CD40LG: variants seen among roughly 807,000 people sequenced by gnomAD.
CD40LG encodes the protein CD40 ligand, also known as CD40 antigen ligand.
In CD40LG, 1 loss-of-function variant was observed where a neutral mutation model predicts 17.2. That is an observed-to-expected ratio of 0.06 (90% CI 0.02 to 0.28). CD40LG has a LOEUF of 0.28. Ranked by LOEUF, CD40LG falls within the 10% of genes least tolerant of loss-of-function variation. The pLI, the probability that CD40LG is intolerant of heterozygous loss-of-function variation, is 1.00. For synonymous variants in CD40LG, 66 were observed against 74.4 expected (o/e 0.89, Z 0.58); for missense variants, 133 against 193.2 (o/e 0.69, Z 1.85).
At chrX:136,653,022 C>T (rs762192308) in intron 2 of CD40LG, among the ~76,000 whole-genome samples, 1 of 111,620 alleles carries the variant, frequency 9.0e-6, no homozygotes, top group East Asian at 2.8e-4. Context: ...TCATGAAACA[C>T]GAGCTTTGCT....
In CD40LG at chrX:136,659,975, C is replaced by T. The variant is rs1283893882; in HGVS notation, c.*560C>T. On this transcript the variant is annotated 3_prime_UTR_variant, in exon 5 of 5. Coordinates refer to ENST00000370629, the MANE Select transcript of CD40LG (RefSeq NM_000074.3). The stretch of plus-strand genomic sequence containing the variant: ...ACAGTTATTCATTCTCTTTCAATCT[C>T]TCTCTCTCCATCTCTCTCTTTCAGT... 1 of 91,987 alleles carries T rather than the reference C, an allele frequency of 1.1e-5. No homozygotes were observed. The highest frequency in any genetic ancestry group is 2.1e-5 in the Non-Finnish European group (1 of 47,743). The allele number at this position is 91,987 out of a possible 1,213,427, so 7.6% of individuals were successfully genotyped here. A position where few individuals can be genotyped will look rare whatever the true frequency, so the allele number is the denominator to read the frequency against.
intron 3 of CD40LG, 146 bp downstream of exon 3, chrX:136,654,576 C>T: frequency 2.1e-6 from 1 of 484,140 alleles, no homozygotes; most frequent in Admixed American, 3.4e-5. Context: ...AAATTGACAC[C>T]TTCTCTGGTC....
chrX:136,655,713 G>A (rs1338753035), intron 3 of CD40LG, among the ~76,000 whole-genome samples: 1 of 112,092 alleles, frequency 8.9e-6, no homozygotes, highest in Non-Finnish European at 1.9e-5. Context: ...AGAAATCTGA[G>A]GAAACAGTTT....
At chrX:136,657,854 T>C (rs1603321488) in intron 4 of CD40LG, among the ~76,000 whole-genome samples, 1 of 111,321 alleles carries the variant, frequency 9.0e-6, no homozygotes, top group South Asian at 3.8e-4. Context: ...GGGAAGACAG[T>C]AACATTCCAC....
At chrX:136,652,860 G>A (rs1304792428) in intron 2 of CD40LG, among the ~76,000 whole-genome samples, 1 of 111,089 alleles carries the variant, frequency 9.0e-6, no homozygotes, top group African/African-American at 3.3e-5. Context: ...CCTGCCACAT[G>A]GAACTCCCAC....
chrX:136,651,262 A>G (rs759469201), intron 2 of CD40LG, among the ~76,000 whole-genome samples: 1 of 111,144 alleles, frequency 9.0e-6, no homozygotes, highest in South Asian at 3.9e-4. Context: ...GCCTCGGCTC[A>G]CTTAGGGGTC....
chrX:136,655,189 G>A (rs1445931368), intron 3 of CD40LG, among the ~76,000 whole-genome samples: 1 of 111,355 alleles, frequency 9.0e-6, no homozygotes, highest in African/African-American at 3.3e-5. Context: ...AAGTATAATT[G>A]CTCTCCTACC....
In CD40LG at chrX:136,660,196, C is replaced by G. The variant is rs1490384208; in HGVS notation, c.*781C>G. The G allele has an allele frequency of 9.6e-6, 1 of 104,386 alleles. No individual in the cohort carries two copies. Among genetic ancestry groups the G allele is most frequent in the African/African-American group, 3.5e-5 (1 of 28,503 alleles). The allele number at this position is 104,386 out of a possible 1,213,427, so 8.6% of individuals were successfully genotyped here. A position where few individuals can be genotyped will look rare whatever the true frequency, so the allele number is the denominator to read the frequency against. On this transcript the variant is annotated 3_prime_UTR_variant, in exon 5 of 5. Transcript: ENST00000370629. ...TGCTAGTCAGTTCTCTTCTTTCCACCCTGTCCCTATCTCTACCACTATAGA... is the reference window on the plus strand; with the variant it reads ...TGCTAGTCAGTTCTCTTCTTTCCACGCTGTCCCTATCTCTACCACTATAGA...
Position 136,656,374 on chromosome X carries a change from T to G in CD40LG, c.365T>G (p.Ile122Ser). The G allele has an allele frequency of 8.3e-7, 1 of 1,210,321 alleles. No individual in the cohort carries two copies. The highest frequency in any genetic ancestry group is 1.1e-6 in the Non-Finnish European group (1 of 894,156). ...ATTTCAGGTGATCAGAATCCTCAAA[T>G]TGCGGCACATGTCATAAGTGAGGCC... ...EMQKGDQNPQIAAHVISEASS... is the reference protein window; with the variant it reads ...EMQKGDQNPQSAAHVISEASS... The change falls in exon 4 of 5, where the codon ATT (isoleucine) becomes AGT (serine). Residue 122 changes from isoleucine to serine, a missense_variant. Ile to Ser is a moderately radical substitution (Grantham distance 142). Transcript: ENST00000370629.
intron 3 of CD40LG, among the ~76,000 whole-genome samples, chrX:136,656,018 C>T (rs1042413502): frequency 8.9e-6 from 1 of 111,914 alleles, no homozygotes; most frequent in Non-Finnish European, 1.9e-5. Flanking sequence ...ACTTTGGAGC[C>T]CACTAAAATC....
chrX:136,655,252 G>A (rs1286662208), intron 3 of CD40LG, among the ~76,000 whole-genome samples: 7 of 111,596 alleles, frequency 6.3e-5, no homozygotes, highest in Non-Finnish European at 7.5e-5. Context: ...AGCCTTGACT[G>A]AGCTTTTTCT....
intron 1 of CD40LG, among the ~76,000 whole-genome samples, chrX:136,649,566 C>T (rs1308937873): frequency 8.9e-6 from 1 of 112,280 alleles, no homozygotes; most frequent in African/African-American, 3.2e-5. Context: ...TTTACATGTG[C>T]TCTTAATTAC....
intron 3 of CD40LG, among the ~76,000 whole-genome samples, chrX:136,655,945 T>C (rs1210117802): frequency 1.8e-5 from 2 of 112,376 alleles, no homozygotes; most frequent in African/African-American, 6.5e-5. Flanking sequence ...TAAAGACAGA[T>C]ACAATAGTTC....
Position 136,648,245 on chromosome X carries a change from C to T in CD40LG, c.-4C>T. 2.5e-6 allele frequency: 3 copies of T among 1,198,804 alleles called. No homozygotes were observed. Among genetic ancestry groups the T allele is most frequent in the South Asian group, 1.8e-5 (1 of 56,625 alleles). The stretch of plus-strand genomic sequence containing the variant: ...AGAAGATACCATTTCAACTTTAACA[C>T]AGCATGATCGAAACATACAACCAAA... On this transcript the variant is annotated 5_prime_UTR_variant, in exon 1 of 5. It introduces an in-frame stop codon into an upstream open reading frame of the 5' UTR. Transcript: ENST00000370629.
intron 1 of CD40LG, among the ~76,000 whole-genome samples, chrX:136,649,003 C>T (rs1315545606): frequency 8.9e-6 from 1 of 112,244 alleles, no homozygotes; most frequent in Non-Finnish European, 1.9e-5. Context: ...TTGCAGGATG[C>T]TCAGTCTCCC....
At chrX:136,650,163 T>A in intron 1 of CD40LG, 103 bp from the exon 2 acceptor site, 1 of 573,159 alleles carries the variant, frequency 1.7e-6, no homozygotes, top group East Asian at 3.3e-5. Context: ...TGCCTGAAAG[T>A]CCTCCTCTTG....
intron 3 of CD40LG, among the ~76,000 whole-genome samples, chrX:136,655,821 C>A (rs974178224): frequency 8.9e-6 from 1 of 112,406 alleles, no homozygotes; most frequent in African/African-American, 3.2e-5. Flanking sequence ...AGGGCACTTA[C>A]AAAGTGCCCA....
chrX:136,656,011 T>G (rs1198586206), intron 3 of CD40LG, among the ~76,000 whole-genome samples: 1 of 112,164 alleles, frequency 8.9e-6, no homozygotes, highest in Non-Finnish European at 1.9e-5. Context: ...TGTGCAGACT[T>G]TGGAGCCCAC....
At chrX:136,653,448 T>G (rs775268405) in intron 2 of CD40LG, among the ~76,000 whole-genome samples, 33 of 112,770 alleles carry the variant, frequency 2.9e-4, no homozygotes, top group Non-Finnish European at 4.9e-4. Flanking sequence ...GTGAAAATAC[T>G]ACTGTCTTCT....
Sources: allele counts gnomAD v4.1 joint callset (sites outside exome capture counted in the v4.1 genomes callset), GRCh38; gene constraint gnomAD v4.1.1; transcripts MANE v1.5; gene names NCBI Gene and HGNC (gene_info 2026-07-23, HGNC 2026-07-21).